Variants in EXOC4 observed in about 807,000 individuals in gnomAD.
The protein encoded by EXOC4 is SEC8-like 1.
Under a neutral mutation model 107.2 loss-of-function variants are expected in EXOC4, and 71 were observed. The ratio of observed to expected loss-of-function variants is 0.66; its 90% confidence interval spans 0.55 to 0.81. EXOC4 has a LOEUF of 0.81. Ranked by LOEUF, EXOC4 falls within the 30% of genes least tolerant of loss-of-function variation. The pLI, the probability that EXOC4 is intolerant of heterozygous loss-of-function variation, is 0.00. For synonymous variants in EXOC4, 456 were observed against 441.2 expected, an observed-to-expected ratio of 1.03 and a Z score of -0.42; for missense variants, 1,108 against 1,189.6, an observed-to-expected ratio of 0.93 and a Z score of 1.01.
At chr7:133,824,730 C>T (rs997392002) in intron 11 of EXOC4, among the ~76,000 whole-genome samples, 13 of 151,984 alleles carry the variant, frequency 8.6e-5, no homozygotes, top group Admixed American at 8.5e-4. Flanking sequence ...TGGTGGCTCC[C>T]GTGGATTTTT....
At chr7:134,014,099 A>G (rs984088938) in intron 17 of EXOC4, among the ~76,000 whole-genome samples, 3 of 152,216 alleles carry the variant, frequency 2.0e-5, no homozygotes, top group Admixed American at 6.5e-5. Context: ...AGCATTATGT[A>G]TAATAGCCAA....
chr7:134,036,241 CT>C (rs1795385323), intron 17 of EXOC4, among the ~76,000 whole-genome samples: 1 of 152,094 alleles, frequency 6.6e-6, no homozygotes, highest in Non-Finnish European at 1.5e-5. Flanking sequence ...GTAATTTTCC[CT>C]TGAGATATAG....
chr7:133,519,504 A>G (rs1473968949), intron 9 of EXOC4, among the ~76,000 whole-genome samples: 1 of 152,182 alleles, frequency 6.6e-6, no homozygotes, highest in Non-Finnish European at 1.5e-5. Context: ...AATAAAATCA[A>G]GGCATAAATT....
At chr7:133,532,652 A>C (rs1399633419) in intron 9 of EXOC4, among the ~76,000 whole-genome samples, 1 of 152,108 alleles carries the variant, frequency 6.6e-6, no homozygotes, top group Non-Finnish European at 1.5e-5. Flanking sequence ...TGGCCACATC[A>C]GGTTTTAAGC....
intron 9 of EXOC4, among the ~76,000 whole-genome samples, chr7:133,520,917 A>T (rs751627158): frequency 2.7e-4 from 41 of 152,270 alleles, no homozygotes; most frequent in Admixed American, 2.5e-3. Context: ...TTTAGATAGC[A>T]CCAGTATGAT....
chr7:133,566,750 C>T (rs927687313), intron 9 of EXOC4, among the ~76,000 whole-genome samples: 3 of 152,038 alleles, frequency 2.0e-5, no homozygotes, highest in Non-Finnish European at 2.9e-5. Flanking sequence ...AATAGATACT[C>T]AATAAATATT....
intron 11 of EXOC4, among the ~76,000 whole-genome samples, chr7:133,819,551 G>A (rs992069753): frequency 5.9e-5 from 9 of 152,004 alleles, no homozygotes; most frequent in African/African-American, 2.2e-4. Flanking sequence ...AATAAGTTTC[G>A]AGAGTCATAA....
chr7:133,441,780 T>C (rs1477386622), intron 7 of EXOC4, among the ~76,000 whole-genome samples: 2 of 152,214 alleles, frequency 1.3e-5, no homozygotes, highest in African/African-American at 4.8e-5. Context: ...TTGCAAATGA[T>C]ACAGTGGGGC....
chr7:134,025,915 C>T (rs890989695), intron 17 of EXOC4, among the ~76,000 whole-genome samples: 12 of 152,120 alleles, frequency 7.9e-5, no homozygotes, highest in African/African-American at 1.9e-4. Flanking sequence ...GCATGAATGA[C>T]GGGAGGCATG....
At chr7:133,275,641 C>T (rs886814572) in intron 2 of EXOC4, among the ~76,000 whole-genome samples, 2 of 152,094 alleles carry the variant, frequency 1.3e-5, no homozygotes, top group African/African-American at 2.4e-5. Context: ...GGCAGCCAGT[C>T]GAATACCCTT....
intron 12 of EXOC4, among the ~76,000 whole-genome samples, chr7:133,911,647 C>G (rs1427960740): frequency 6.6e-6 from 1 of 152,184 alleles, no homozygotes; most frequent in Non-Finnish European, 1.5e-5. Flanking sequence ...TGTCATCCAA[C>G]CTAACCTAAT....
rs190843552 is a variant in EXOC4 at position 133,558,611 on chromosome 7, A to C, written c.1418-71434A>C. Among the ~76,000 whole-genome samples, 500 of 152,198 alleles carry C rather than the reference A, an allele frequency of 3.3e-3. 5 individuals carry two copies. The highest frequency in any genetic ancestry group is 0.011 in the African/African-American group (467 of 41,516). On this transcript the variant is annotated intron_variant, in intron 9 of 17. Transcript: ENST00000253861. ...ACAAACAAATGTACGTATTCTTCAA[A>C]TGTCTTTTTATTTTTTTTAATTTTA... is the stretch of plus-strand genomic sequence containing the variant.
At chr7:133,664,132 G>A (rs1419152916) in intron 10 of EXOC4, among the ~76,000 whole-genome samples, 1 of 152,048 alleles carries the variant, frequency 6.6e-6, no homozygotes, top group Non-Finnish European at 1.5e-5. Context: ...TACCTTCCTA[G>A]TGAAGCCTAC....
At chr7:133,436,994 G>A (rs901360650) in intron 7 of EXOC4, among the ~76,000 whole-genome samples, 2 of 151,992 alleles carry the variant, frequency 1.3e-5, no homozygotes, top group African/African-American at 4.8e-5. Context: ...ACTATGGATG[G>A]GTTTGTGTGG....
In EXOC4 at chr7:133,504,897, A is replaced by T. The variant is rs149250946; in HGVS notation, c.1417+24759A>T. On this transcript the variant is annotated intron_variant, in intron 9 of 17. Transcript: ENST00000253861. The stretch of plus-strand genomic sequence containing the variant: ...CCCCGTTTTCTTAGGTTAGTGGTCA[A>T]TCTATGAAATTAGATTTTTGTGAGC... Among the ~76,000 whole-genome samples the T allele has an allele frequency of 2.0e-5, 3 of 152,200 alleles. No homozygotes were observed. The East Asian group carries it at 5.8e-4, about 29-fold the overall frequency.
In EXOC4 at chr7:134,051,280, C is replaced by T. The variant is rs532928195; in HGVS notation, c.2688-13011C>T. Among the ~76,000 whole-genome samples the T allele has an allele frequency of 2.3e-3, 357 of 152,306 alleles. 1 individual carries two copies. Among genetic ancestry groups the T allele is most frequent in the Non-Finnish European group, 1.9e-3 (130 of 68,026 alleles). On this transcript the variant is annotated intron_variant, in intron 17 of 17. Transcript: ENST00000253861. ...GCAGAGAGAGAAGAATGGAGGGCCC[C>T]CACCTGACTGGCAGGAACACCTGCA...
intron 1 of EXOC4, among the ~76,000 whole-genome samples, chr7:133,264,268 CTG>C (rs1434550855): frequency 1.3e-5 from 2 of 152,138 alleles, no homozygotes; most frequent in African/African-American, 2.4e-5. Context: ...TCTTGAAAAA[CTG>C]TATGTGTTGG....
intron 17 of EXOC4, chr7:134,010,368 G>A (rs907882753): frequency 5.3e-5 from 8 of 152,172 alleles, no homozygotes; most frequent in African/African-American, 1.9e-4. Flanking sequence ...GTAAGAAAAA[G>A]CGTATCTTCC....
chr7:133,895,683 A>T lies in EXOC4; in HGVS notation c.1819A>T (p.Met607Leu). 1.2e-6 allele frequency: 2 copies of T among 1,614,154 alleles called. No homozygotes were observed. Among genetic ancestry groups the T allele is most frequent in the Non-Finnish European group, 8.5e-7 (1 of 1,179,998 alleles). ...TGCATATTCAGATCAATTCCTCAAC[A>T]TGGTGTGCGTGAAGCTCCAGGAGTA... ...LSAYSDQFLN[M>L]VCVKLQEYKD... Residue 607 changes from methionine (M) to leucine (L), a missense_variant, in exon 12 of 18, where the codon ATG (methionine) becomes TTG (leucine). Physicochemically the swap from Met to Leu is conservative, Grantham distance 15. Coordinates refer to ENST00000253861, the MANE Select transcript of EXOC4 (RefSeq NM_021807.4).
Sources: allele counts gnomAD v4.1 joint callset (sites outside exome capture counted in the v4.1 genomes callset), GRCh38; gene constraint gnomAD v4.1.1; transcripts MANE v1.5; gene names NCBI Gene and HGNC (gene_info 2026-07-23, HGNC 2026-07-21).